Variants in NUCB2 observed in about 807,000 individuals in gnomAD.
NUCB2 encodes nucleobindin-2.
Under a neutral mutation model 57.9 loss-of-function variants are expected in NUCB2, and 48 were observed. The observed-to-expected ratio is 0.83, with a 90% CI of 0.66 to 1.05. NUCB2 has a LOEUF of 1.05. Ranked by LOEUF, NUCB2 falls within the 50% of genes least tolerant of loss-of-function variation. The pLI, the probability that NUCB2 is intolerant of heterozygous loss-of-function variation, is 0.00. For missense variants in NUCB2, 442 were observed against 476.2 expected (o/e 0.93, Z 0.67); for synonymous variants, 139 against 152.1 (o/e 0.91, Z 0.64).
At chr11:17,284,035 A>G (rs1242416862) in intron 2 of NUCB2, among the ~76,000 whole-genome samples, 1 of 151,190 alleles carries the variant, frequency 6.6e-6, no homozygotes, top group Non-Finnish European at 1.5e-5. Flanking sequence ...CCAGACTTTT[A>G]TTTTTTTTGT....
intron 11 of NUCB2, among the ~76,000 whole-genome samples, chr11:17,326,822 TCTTTGTTCTCATTAACATC>T (rs1565465032): frequency 6.6e-6 from 1 of 152,198 alleles, no homozygotes; most frequent in Non-Finnish European, 1.5e-5. Context: ...TCAGATGATT[TCTTTGTTCTCATTAACATC>T]CTTTTATTTC....
chr11:17,285,934 TACACACACACACACACACAC>T (rs140090235), intron 2 of NUCB2, among the ~76,000 whole-genome samples: 1 of 143,446 alleles, frequency 7.0e-6, no homozygotes, highest in Non-Finnish European at 1.5e-5. Context: ...CACGTGTGCG[TACACACACACACACACACAC>T]ACACACACAC....
chr11:17,286,073 A>G (rs1227665320), intron 2 of NUCB2, among the ~76,000 whole-genome samples: 1 of 152,086 alleles, frequency 6.6e-6, no homozygotes, highest in Admixed American at 6.6e-5. Flanking sequence ...TCACTCTGTC[A>G]CCCTGGCTAG....
chr11:17,281,201 C>T (rs974180641), intron 1 of NUCB2, among the ~76,000 whole-genome samples: 1 of 151,930 alleles, frequency 6.6e-6, no homozygotes, highest in African/African-American at 2.4e-5. Flanking sequence ...ATGCATGGCT[C>T]GACCTCCTGG....
intron 1 of NUCB2, among the ~76,000 whole-genome samples, chr11:17,279,337 A>G (rs1201585289): frequency 1.3e-5 from 2 of 152,220 alleles, no homozygotes; most frequent in Non-Finnish European, 2.9e-5. Flanking sequence ...TTTCATGGCC[A>G]GATTCCAGTA....
At chr11:17,344,200 T>C (rs1321500102) in intron 2 of NUCB2, among the ~76,000 whole-genome samples, 1 of 152,194 alleles carries the variant, frequency 6.6e-6, no homozygotes. Context: ...GTTCTTTGAC[T>C]TTTTTGTATC....
At chr11:17,301,425 G>A (rs551702726) in intron 4 of NUCB2, among the ~76,000 whole-genome samples, 28 of 151,406 alleles carry the variant, frequency 1.8e-4, no homozygotes, top group South Asian at 1.7e-3. Flanking sequence ...ATTGACAGGC[G>A]TGTGTCACCA....
chr11:17,322,250 A>T (rs1950121682), intron 11 of NUCB2, among the ~76,000 whole-genome samples: 1 of 152,124 alleles, frequency 6.6e-6, no homozygotes, highest in South Asian at 2.1e-4. Flanking sequence ...TCTTTAATCC[A>T]TTTTGATTTG....
chr11:17,336,604 A>T (rs945320428), downstream of NUCB2, among the ~76,000 whole-genome samples: 1 of 151,350 alleles, frequency 6.6e-6, no homozygotes, highest in Non-Finnish European at 1.5e-5. Flanking sequence ...AATACAAAAA[A>T]TTAGCCGGGC....
intron 2 of NUCB2, among the ~76,000 whole-genome samples, chr11:17,284,850 G>A (rs568392559): frequency 5.9e-5 from 9 of 151,996 alleles, no homozygotes; most frequent in Non-Finnish European, 1.2e-4. Flanking sequence ...TTTAAAAATT[G>A]CAATTGTATT....
At chr11:17,307,091 A>T (rs1175217373) in intron 5 of NUCB2, among the ~76,000 whole-genome samples, 3 of 152,114 alleles carry the variant, frequency 2.0e-5, no homozygotes, top group Non-Finnish European at 4.4e-5. Flanking sequence ...TTTTATTGAA[A>T]TGGAGTCTGG....
At chr11:17,329,569 G>A (rs1364493346) in intron 11 of NUCB2, among the ~76,000 whole-genome samples, 1 of 152,230 alleles carries the variant, frequency 6.6e-6, no homozygotes, top group Non-Finnish European at 1.5e-5. Flanking sequence ...TGACAGGGCA[G>A]CACTGAGTTC....
intron 4 of NUCB2, among the ~76,000 whole-genome samples, chr11:17,297,675 G>A (rs1317296290): frequency 1.3e-5 from 2 of 152,162 alleles, no homozygotes; most frequent in Non-Finnish European, 2.9e-5. Flanking sequence ...AAGAAAATAA[G>A]CTTCCTGGAT....
chr11:17,328,664 C>T (rs528150708), intron 11 of NUCB2, among the ~76,000 whole-genome samples: 24 of 152,216 alleles, frequency 1.6e-4, no homozygotes, highest in Non-Finnish European at 2.5e-4. Flanking sequence ...TGTCACCTTG[C>T]GGTAAATGCT....
At chr11:17,317,175 T>G (rs894187378) in intron 11 of NUCB2, among the ~76,000 whole-genome samples, 1 of 152,304 alleles carries the variant, frequency 6.6e-6, no homozygotes, top group Admixed American at 6.5e-5. Context: ...CCTGAATACA[T>G]TTCAACCAGG....
chr11:17,317,386 C>A (rs545836512), intron 11 of NUCB2, among the ~76,000 whole-genome samples: 7 of 152,192 alleles, frequency 4.6e-5, no homozygotes, highest in African/African-American at 1.4e-4. Flanking sequence ...CCACTTTAAT[C>A]TAAAATACTT....
At chr11:17,287,172 A>AATAT (rs551888819) in intron 2 of NUCB2, among the ~76,000 whole-genome samples, 4 of 151,390 alleles carry the variant, frequency 2.6e-5, no homozygotes, top group African/African-American at 9.7e-5. Context: ...ACCAAAAAAA[A>AATAT]ATATATATAT....
chr11:17,336,841 A>G (rs1301393140), downstream of NUCB2, among the ~76,000 whole-genome samples: 2 of 147,752 alleles, frequency 1.4e-5, no homozygotes, highest in African/African-American at 5.0e-5. Flanking sequence ...CAACAGCATT[A>G]TTTTATGTAC....
chr11:17,303,136 A>T (rs1409215344), intron 5 of NUCB2, among the ~76,000 whole-genome samples: 1 of 152,086 alleles, frequency 6.6e-6, no homozygotes. Context: ...AGTTGCTAGG[A>T]TTACATATGC....
Sources: allele counts gnomAD v4.1 joint callset (sites outside exome capture counted in the v4.1 genomes callset), GRCh38; gene constraint gnomAD v4.1.1; transcripts MANE v1.5; gene names NCBI Gene and HGNC (gene_info 2026-07-23, HGNC 2026-07-21).